The following DPP10 variants were observed in gnomAD, a reference collection of about 807,000 sequenced individuals.
DPP10 encodes dipeptidyl peptidase like 10, also known as inactive dipeptidyl peptidase 10.
In DPP10, 33 loss-of-function variants were observed where a neutral mutation model predicts 120.9. The observed-to-expected ratio is 0.27, with a 90% confidence interval of 0.21 to 0.37. DPP10 has a LOEUF of 0.37. DPP10 is among the 10% of genes least tolerant of loss of function. DPP10 has a pLI of 1.00. For synonymous variants in DPP10, 337 were observed against 326.1 expected, an observed-to-expected ratio of 1.03 and a Z score of -0.36; for missense variants, 816 against 942.8, an observed-to-expected ratio of 0.87 and a Z score of 1.76.
At chr2:114,505,274 G>T (rs1163730688) in intron 1 of DPP10, among the ~76,000 whole-genome samples, 1 of 152,046 alleles carries the variant, frequency 6.6e-6, no homozygotes, top group Admixed American at 6.6e-5. Flanking sequence ...AGGGATTTGG[G>T]CTAGGAGCAA....
intron 1 of DPP10, among the ~76,000 whole-genome samples, chr2:115,301,399 C>G (rs978956731): frequency 6.6e-6 from 1 of 151,630 alleles, no homozygotes; most frequent in African/African-American, 2.4e-5. Context: ...ACAGACAGGC[C>G]AGAACTTTGC....
chr2:115,280,785 C>T (rs958723310), intron 1 of DPP10, among the ~76,000 whole-genome samples: 14 of 152,086 alleles, frequency 9.2e-5, no homozygotes, highest in Non-Finnish European at 1.8e-4. Context: ...TTCTCAGTTA[C>T]CTAAGAAGGG....
intron 21 of DPP10, among the ~76,000 whole-genome samples, chr2:115,827,414 G>GTGTGTATATA (rs1271865370): frequency 5.3e-5 from 4 of 75,452 alleles, no homozygotes; most frequent in Non-Finnish European, 1.0e-4. Flanking sequence ...ATGTGTGTGT[G>GTGTGTATATA]TATATATATA....
chr2:115,807,224 C>A (rs1402790717), intron 19 of DPP10, among the ~76,000 whole-genome samples: 1 of 152,146 alleles, frequency 6.6e-6, no homozygotes, highest in Non-Finnish European at 1.5e-5. Flanking sequence ...CAGCAAATAT[C>A]ATTAGGAGAT....
At chr2:114,676,247 A>T (rs1698665191) in intron 1 of DPP10, among the ~76,000 whole-genome samples, 1 of 152,198 alleles carries the variant, frequency 6.6e-6, no homozygotes, top group African/African-American at 2.4e-5. Context: ...AGTAGTAGAA[A>T]AAAATGGTGG....
chr2:115,329,589 C>G (rs1331639107), intron 2 of DPP10, among the ~76,000 whole-genome samples: 1 of 152,084 alleles, frequency 6.6e-6, no homozygotes, highest in Non-Finnish European at 1.5e-5. Context: ...CTCCCCGCTC[C>G]CCCTACCCAA....
intron 1 of DPP10, among the ~76,000 whole-genome samples, chr2:114,663,668 T>TATATATATATATATAG: frequency 1.2e-5 from 1 of 80,714 alleles, no homozygotes; most frequent in African/African-American, 9.4e-5. Flanking sequence ...TATATATATA[T>TATATATATATATATAG]AGAGAGAGAG....
At chr2:115,608,356 C>T (rs1040154396) in intron 5 of DPP10, among the ~76,000 whole-genome samples, 7 of 152,060 alleles carry the variant, frequency 4.6e-5, no homozygotes, top group African/African-American at 1.7e-4. Flanking sequence ...CATTGCTATA[C>T]TCCACCCTGG....
intron 1 of DPP10, among the ~76,000 whole-genome samples, chr2:114,588,968 G>A (rs1317545725): frequency 6.8e-6 from 1 of 146,212 alleles, no homozygotes; most frequent in Non-Finnish European, 1.5e-5. Flanking sequence ...GGAAACTATG[G>A]CACTAGATGT....
At chr2:115,380,026 C>G (rs1428777823) in intron 3 of DPP10, among the ~76,000 whole-genome samples, 2 of 152,092 alleles carry the variant, frequency 1.3e-5, no homozygotes, top group Non-Finnish European at 2.9e-5. Context: ...AATATATATT[C>G]TGTTCATTTG....
chr2:114,520,422 G>A lies in DPP10; in HGVS notation c.60+77584G>A, dbSNP rs144211538. 3.0e-3 allele frequency among the ~76,000 whole-genome samples: 455 copies of A among 152,248 alleles called. 3 individuals are homozygous for A. The highest frequency in any genetic ancestry group is 0.01 in the African/African-American group (421 of 41,546). ...GGATATTGCTTAAAGGCAAAACACCGACTGCAAGAATGCCACCACTTTTGT... is the reference window on the plus strand; with the variant it reads ...GGATATTGCTTAAAGGCAAAACACCAACTGCAAGAATGCCACCACTTTTGT... On this transcript the variant is annotated intron_variant, in intron 1 of 25. Coordinates refer to ENST00000410059, the MANE Select transcript of DPP10 (RefSeq NM_020868.6).
At chr2:115,479,441 G>C (rs1037258367) in intron 3 of DPP10, among the ~76,000 whole-genome samples, 1 of 152,090 alleles carries the variant, frequency 6.6e-6, no homozygotes, top group Admixed American at 6.6e-5. Context: ...AATGCGTACA[G>C]ATTTTCAGTT....
At chr2:115,691,817 A>T (rs2091333506) in intron 7 of DPP10, among the ~76,000 whole-genome samples, 1 of 152,168 alleles carries the variant, frequency 6.6e-6, no homozygotes, top group Non-Finnish European at 1.5e-5. Flanking sequence ...GTATGTATTT[A>T]GTTATTTAAG....
intron 1 of DPP10, among the ~76,000 whole-genome samples, chr2:114,907,804 C>T (rs1277025376): frequency 6.6e-6 from 1 of 151,978 alleles, no homozygotes; most frequent in Non-Finnish European, 1.5e-5. Flanking sequence ...TCTGCTATGT[C>T]TAGTTGGCTT....
At chr2:115,158,721 A>T (rs1456188139) in intron 1 of DPP10, among the ~76,000 whole-genome samples, 2 of 152,240 alleles carry the variant, frequency 1.3e-5, no homozygotes, top group African/African-American at 4.8e-5. Context: ...AATGTTATAA[A>T]ATGTATGCTT....
At chr2:115,220,366 A>G (rs960399775) in intron 1 of DPP10, among the ~76,000 whole-genome samples, 1 of 152,090 alleles carries the variant, frequency 6.6e-6, no homozygotes, top group Non-Finnish European at 1.5e-5. Context: ...CCTCGTGTAG[A>G]TCTTCCGTGT....
intron 1 of DPP10, among the ~76,000 whole-genome samples, chr2:114,834,326 C>T (rs146347194): frequency 2.0e-3 from 303 of 149,036 alleles, no homozygotes; most frequent in Middle Eastern, 7.1e-3. Flanking sequence ...GCCATGTCTA[C>T]ACACCTATGT....
At chr2:114,797,356 T>C (rs1187587043) in intron 1 of DPP10, among the ~76,000 whole-genome samples, 1 of 152,104 alleles carries the variant, frequency 6.6e-6, no homozygotes, top group Admixed American at 6.6e-5. Flanking sequence ...GTCATCAGGG[T>C]TTCTAGGTCT....
At chr2:115,484,524 A>C (rs1312919766) in intron 3 of DPP10, among the ~76,000 whole-genome samples, 1 of 152,148 alleles carries the variant, frequency 6.6e-6, no homozygotes, top group Admixed American at 6.5e-5. Flanking sequence ...CAATGAAAGC[A>C]AGGGACCTCC....
Sources: gnomAD v4.1 joint callset for allele counts (sites outside exome capture counted in the v4.1 genomes callset) on GRCh38, gnomAD v4.1.1 for gene constraint, MANE v1.5 for transcripts, NCBI Gene and HGNC (gene_info 2026-07-23, HGNC 2026-07-21) for gene names.